Variants in COL20A1 observed in about 807,000 individuals in gnomAD.
The protein encoded by COL20A1 is collagen alpha-1(XX) chain.
In COL20A1, 164 loss-of-function variants were observed where a neutral mutation model predicts 152.9. The ratio of observed to expected loss-of-function variants is 1.07; its 90% CI spans 0.94 to 1.22. The LOEUF is 1.22. COL20A1 is among the 50% of genes most tolerant of loss of function. The pLI, the probability that COL20A1 is intolerant of heterozygous loss-of-function variation, is 0.00. For synonymous variants in COL20A1, 864 were observed against 756.0 expected (o/e 1.14, Z -2.34); for missense variants, 1,873 against 1,744.8 (o/e 1.07, Z -1.31).
chr20:63,310,898 A>T (rs542135208), intron 11 of COL20A1, among the ~76,000 whole-genome samples: 92 of 152,058 alleles, frequency 6.1e-4, no homozygotes, highest in Non-Finnish European at 1.2e-3. Context: ...TACACACCAT[A>T]CAACCTGCCC....
intron 33 of COL20A1, 81 bp downstream of exon 33, chr20:63,328,208 G>C: frequency 6.4e-7 from 1 of 1,569,056 alleles, no homozygotes; most frequent in East Asian, 2.3e-5. Flanking sequence ...ACACTGGCCA[G>C]GCCGAGGGAG....
intron 15 of COL20A1, 67 bp downstream of exon 15, chr20:63,312,616 G>A: frequency 6.7e-7 from 1 of 1,501,564 alleles, no homozygotes; most frequent in Non-Finnish European, 8.9e-7. Flanking sequence ...CTGCTAGACA[G>A]TTCACATCAA....
Position 63,321,080 on chromosome 20 carries a change from C to T in COL20A1, c.3221C>T (p.Pro1074Leu). The T allele has an allele frequency of 1.3e-6, 2 of 1,599,952 alleles. No homozygotes were observed. The highest frequency in any genetic ancestry group is 1.7e-6 in the Non-Finnish European group (2 of 1,173,822). Residue 1074 changes from proline (P) to leucine (L), a missense_variant, in exon 26 of 36, where the codon CCA (proline) becomes CTA (leucine). Physicochemically the swap from Pro to Leu is moderately conservative, Grantham distance 98. Transcript: ENST00000358894. Reference protein sequence around the residue: ...CSCSSETPGPPGPQGPPGLPG... With the variant: ...CSCSSETPGPLGPQGPPGLPG... ...TGTTCCTCAGAGACCCCTGGGCCCC[C>T]AGGACCTCAAGGACCCCCAGTGAGT...
chr20:63,312,594 T>C (rs754792623), intron 15 of COL20A1, 45 bp downstream of exon 15: 19 of 1,533,140 alleles, frequency 1.2e-5, no homozygotes, highest in East Asian at 2.3e-5. Flanking sequence ...AGGGTTTCTG[T>C]GTCCTTCTGC....
At chr20:63,301,851 GT>G (rs2067866419) in intron 3 of COL20A1, among the ~76,000 whole-genome samples, 1 of 152,074 alleles carries the variant, frequency 6.6e-6, no homozygotes, top group East Asian at 1.9e-4. Flanking sequence ...CAGTGTGACA[GT>G]CTTTGTCTTT....
At chr20:63,312,334 C>G in intron 14 of COL20A1, 86 bp from the exon 15 acceptor site, 2 of 1,390,610 alleles carry the variant, frequency 1.4e-6, no homozygotes, top group Non-Finnish European at 1.9e-6. Flanking sequence ...GTAGTCCTGG[C>G]TGCAGGTGCT....
In COL20A1 at chr20:63,306,485, T is replaced by G. The variant is rs996409910; in HGVS notation, c.496+446T>G. Among the ~76,000 whole-genome samples, 1 of 152,204 alleles carries G rather than the reference T, an allele frequency of 6.6e-6. No homozygotes were observed. Among genetic ancestry groups the G allele is most frequent in the Non-Finnish European group, 1.5e-5 (1 of 68,024 alleles). ...ACTACCTCTGACCCCTTTGGGAACC[T>G]CCAGCCTGGGTCTAGGGGGTGGTGA... On this transcript the variant is annotated intron_variant, in intron 5 of 35. Transcript: ENST00000358894. This position sits in a 1 kb window ranked among gnomAD's most constrained non-coding sequence, Gnocchi z 6.9.
At position 63,310,783 on chromosome 20, in the gene COL20A1, A is replaced by G. The variant is rs1283710558; in HGVS notation, c.1393+273A>G. On this transcript the variant is annotated intron_variant, in intron 11 of 35. Transcript: ENST00000358894. Reference sequence around the variant, plus strand: ...TGCTGCTTGTCCACAGTGTTCATGGAGCTCCCCCCTGCTTGGCCTCCAGCA... The same window carrying G: ...TGCTGCTTGTCCACAGTGTTCATGGGGCTCCCCCCTGCTTGGCCTCCAGCA... 2.0e-5 allele frequency among the ~76,000 whole-genome samples: 3 copies of G among 151,754 alleles called. 1 individual carries two copies. The highest frequency in any genetic ancestry group is 4.4e-5 in the Non-Finnish European group (3 of 67,950).
Position 63,313,779 on chromosome 20 carries a change from T to A in COL20A1, c.2246T>A (p.Leu749Gln). 1.9e-6 allele frequency: 3 copies of A among 1,608,770 alleles called. No homozygotes were observed. The highest frequency in any genetic ancestry group is 2.5e-6 in the Non-Finnish European group (3 of 1,178,086). Reference sequence around the variant, plus strand: ...AGGAGCCCACCCTCCAACCTGGCCCTGGCCTCGGAGACCCCCGACAGCCTG... The same window carrying A: ...AGGAGCCCACCCTCCAACCTGGCCCAGGCCTCGGAGACCCCCGACAGCCTG... Reference protein sequence around the residue: ...VSRSPPSNLALASETPDSLQV... With the variant: ...VSRSPPSNLAQASETPDSLQV... The change falls in exon 18 of 36, where the codon CTG becomes CAG. Residue 749 changes from leucine to glutamine, a missense_variant. Physicochemically the swap from Leu to Gln is moderately radical, Grantham distance 113. Transcript: ENST00000358894. This position sits in a 1 kb window ranked among gnomAD's most constrained non-coding sequence, Gnocchi z 5.9.
intron 2 of COL20A1, among the ~76,000 whole-genome samples, chr20:63,296,027 G>T (rs1212531183): frequency 6.6e-6 from 1 of 152,292 alleles, no homozygotes. Context: ...ACAGGCCGGG[G>T]CGAGGGAGCC....
chr20:63,312,708 G>A (rs1362397848), intron 15 of COL20A1, 84 bp from the exon 16 acceptor site: 4 of 1,466,060 alleles, frequency 2.7e-6, no homozygotes, highest in Middle Eastern at 3.6e-4. Context: ...GGGGGTATAG[G>A]GTGCTCCTGG....
At chr20:63,328,634 G>A (rs1300292754) in intron 34 of COL20A1, 136 bp downstream of exon 34, 3 of 879,376 alleles carry the variant, frequency 3.4e-6, no homozygotes, top group Non-Finnish European at 5.1e-6. Flanking sequence ...AGCCTCTGGG[G>A]TGCTGGGGTG....
intron 2 of COL20A1, among the ~76,000 whole-genome samples, chr20:63,297,098 C>T (rs2067803985): frequency 1.3e-5 from 2 of 152,188 alleles, no homozygotes; most frequent in South Asian, 4.1e-4. Context: ...TACCAACGTG[C>T]ACACACGTGC....
intron 35 of COL20A1, 85 bp downstream of exon 35, chr20:63,329,746 T>C: frequency 1.0e-6 from 1 of 962,910 alleles, no homozygotes; most frequent in Non-Finnish European, 1.5e-6. Flanking sequence ...GGGTGGGGCC[T>C]CATGCTGTCC....
Position 63,309,491 on chromosome 20 carries a change from G to A in COL20A1, c.1099G>A (p.Gly367Ser). The A allele has an allele frequency of 6.6e-7, 1 of 1,517,964 alleles. No homozygotes were observed. The highest frequency in any genetic ancestry group is 8.9e-7 in the Non-Finnish European group (1 of 1,129,142). 94.0% of individuals were successfully genotyped at this position (1,517,964 alleles called of 1,614,324 possible). ...GCTCCAGGGTGGGAGCCCGCGGCAG[G>A]GCCCAGGTGAGGGGCAGGGTCACCC... is the stretch of plus-strand genomic sequence containing the variant. ...QRLQGGSPRQ[G>S]PAAAPALDTL... The change falls in exon 9 of 36, where the codon GGC becomes AGC. Residue 367 changes from glycine to serine, a missense_variant. Coordinates refer to ENST00000358894, the MANE Select transcript of COL20A1 (RefSeq NM_020882.4).
intron 7 of COL20A1, 135 bp downstream of exon 7, chr20:63,308,225 G>C: frequency 9.3e-7 from 1 of 1,078,472 alleles, no homozygotes; most frequent in Non-Finnish European, 1.3e-6. Context: ...CTTTATAGAG[G>C]GCAGAGTCAC....
chr20:63,307,781 A>G, intron 6 of COL20A1, 133 bp downstream of exon 6: 1 of 1,214,400 alleles, frequency 8.2e-7, no homozygotes, highest in Admixed American at 2.4e-5. Context: ...CGCCTGCTCC[A>G]CATGGGGTGT....
chr20:63,308,829 G>A (rs1055645967), intron 8 of COL20A1, 123 bp downstream of exon 8: 8 of 907,400 alleles, frequency 8.8e-6, no homozygotes, highest in Non-Finnish European at 1.3e-5. Flanking sequence ...GCGGCACGGA[G>A]CTGCACGCAG....
rs914594757 is a variant in COL20A1 at position 63,305,725 on chromosome 20, C to T, written c.338-156C>T. Reference sequence around the variant, plus strand: ...GGGGCAGGTTCAAGTCCCGACTCACCAGCAAGGCTGCCTTGCCCCTGACAT... The same window carrying T: ...GGGGCAGGTTCAAGTCCCGACTCACTAGCAAGGCTGCCTTGCCCCTGACAT... On this transcript the variant is annotated intron_variant, in intron 4 of 35. Transcript: ENST00000358894. This position sits in a 1 kb window ranked among gnomAD's most constrained non-coding sequence, Gnocchi z 4.9. Among the ~76,000 whole-genome samples, 2 of 152,200 alleles carry T rather than the reference C, an allele frequency of 1.3e-5. No homozygotes were observed. The highest frequency in any genetic ancestry group is 1.3e-4 in the Admixed American group (2 of 15,284).
Sources: gnomAD v4.1 joint callset for allele counts (sites outside exome capture counted in the v4.1 genomes callset) on GRCh38, gnomAD v4.1.1 for gene constraint, Gnocchi (gnomAD v3.1) non-coding constraint, MANE v1.5 for transcripts, NCBI Gene and HGNC (gene_info 2026-07-23, HGNC 2026-07-21) for gene names.